Variants in AAK1 observed in about 807,000 individuals in gnomAD.
The protein encoded by AAK1 is AP2 associated kinase 1.
In AAK1, 37 loss-of-function variants were observed where a neutral mutation model predicts 116.0. The ratio of observed to expected loss-of-function variants is 0.32; its 90% CI spans 0.25 to 0.42. AAK1 has a LOEUF of 0.42. Among genes scored for constraint, AAK1 ranks in the 10% least tolerant of loss-of-function variants. The pLI is 1.00. For synonymous variants in AAK1, 458 were observed against 439.9 expected (o/e 1.04, Z -0.51); for missense variants, 919 against 1,170.6 (o/e 0.79, Z 3.14).
intron 17 of AAK1, 60 bp downstream of exon 17, chr2:69,495,925 T>C: frequency 7.2e-7 from 1 of 1,396,052 alleles, no homozygotes; most frequent in Non-Finnish European, 9.8e-7. Context: ...CAGAACTTTC[T>C]ACAAGGCCTG....
intron 2 of AAK1, chr2:69,599,056 A>G (rs1012370062): frequency 9.0e-6 from 2 of 221,662 alleles, no homozygotes; most frequent in South Asian, 1.2e-4. Context: ...GCTTACACTG[A>G]ACTGAAGCTC....
chr2:69,498,900 C>A (rs1451824382), intron 16 of AAK1, among the ~76,000 whole-genome samples: 1 of 152,214 alleles, frequency 6.6e-6, no homozygotes, highest in African/African-American at 2.4e-5. Flanking sequence ...AGCCCCAGCT[C>A]AACTAGATGG....
chr2:69,468,225 C>T lies in AAK1; in HGVS notation c.*7644G>A, dbSNP rs1311550352. On this transcript the variant is annotated 3_prime_UTR_variant, in exon 22 of 22. Coordinates refer to ENST00000409085, the MANE Select transcript of AAK1 (RefSeq NM_014911.5). ...AATAAACAGAATACCTTCTTCCTTG[C>T]GATTTATGTGGACAGACATAATCCT... is the stretch of plus-strand genomic sequence containing the variant. 1.0e-5 allele frequency: 10 copies of T among 985,182 alleles called. No individual in the cohort carries two copies. Among genetic ancestry groups the T allele is most frequent in the Non-Finnish European group, 1.2e-5 (10 of 829,920 alleles). 61.0% of individuals were successfully genotyped at this position (985,182 alleles called of 1,614,324 possible).
At chr2:69,578,015 AG>A (rs1200777182) in intron 2 of AAK1, among the ~76,000 whole-genome samples, 1 of 152,214 alleles carries the variant, frequency 6.6e-6, no homozygotes, top group Non-Finnish European at 1.5e-5. Context: ...GTTGGAGAAG[AG>A]GAAGAATTCA....
intron 2 of AAK1, among the ~76,000 whole-genome samples, chr2:69,628,143 C>T (rs1179017030): frequency 1.3e-5 from 2 of 152,212 alleles, no homozygotes; most frequent in African/African-American, 4.8e-5. Flanking sequence ...GGTTAACAAT[C>T]CACCTCAAAA....
rs1674419068 is a variant in AAK1 at position 69,464,311 on chromosome 2, TGA to T, written c.*11556_*11557del. The T allele has an allele frequency of 6.6e-6, 1 of 152,230 alleles. No individual in the cohort carries two copies. Among genetic ancestry groups the T allele is most frequent in the South Asian group, 2.1e-4 (1 of 4,838 alleles). The allele number at this position is 152,230 out of a possible 1,614,324, so 9.4% of individuals were successfully genotyped here. A position where few individuals can be genotyped will look rare whatever the true frequency, so the allele number is the denominator to read the frequency against. ...TAATGCTGGCATTTAGCCCACATAC[TGA>T]GAGGCCGGAACTGTAACAAGGTGCT... On this transcript the variant is annotated 3_prime_UTR_variant, in exon 22 of 22. Coordinates refer to ENST00000409085, the MANE Select transcript of AAK1 (RefSeq NM_014911.5).
At position 69,499,842 on chromosome 2, in the gene AAK1, T is replaced by C. The variant is rs542225835; in HGVS notation, c.2270-3762A>G. 1.1e-4 allele frequency: 17 copies of C among 152,336 alleles called. No homozygotes were observed. The South Asian group carries it at 3.5e-3, about 32-fold the overall frequency. 9.4% of individuals were successfully genotyped at this position (152,336 alleles called of 1,614,324 possible). A position where few individuals can be genotyped will look rare whatever the true frequency, so the allele number is the denominator to read the frequency against. On this transcript the variant is annotated intron_variant, in intron 16 of 21. Coordinates refer to ENST00000409085, the MANE Select transcript of AAK1 (RefSeq NM_014911.5). ...AATTCTAGATACAAATACTGTAAAA[T>C]GTCAGCAAATGCTCTTCTCTCAAGG...
chr2:69,525,969 C>CT (rs757364964), intron 9 of AAK1, among the ~76,000 whole-genome samples: 1 of 151,954 alleles, frequency 6.6e-6, no homozygotes, highest in Non-Finnish European at 1.5e-5. Context: ...TAAAACTGGC[C>CT]TTTTAGGAGG....
chr2:69,467,342 C>T lies in AAK1; in HGVS notation c.*8527G>A, dbSNP rs1674522288. The T allele has an allele frequency of 1.0e-6, 1 of 985,380 alleles. No homozygotes were observed. The highest frequency in any genetic ancestry group is 1.1e-4 in the East Asian group (1 of 8,814). The allele number at this position is 985,380 out of a possible 1,614,324, so 61.0% of individuals were successfully genotyped here. On this transcript the variant is annotated 3_prime_UTR_variant, in exon 22 of 22. Transcript: ENST00000409085. ...CTCCAATATACTAGTCTATTTCTATCTAGGTAGAGGTGCCTCAGGGTGCTC... is the reference window on the plus strand; with the variant it reads ...CTCCAATATACTAGTCTATTTCTATTTAGGTAGAGGTGCCTCAGGGTGCTC...
At position 69,527,247 on chromosome 2, in the gene AAK1, A is replaced by C. The variant is rs1258964745; in HGVS notation, c.944T>G (p.Leu315Arg). 1.9e-6 allele frequency: 3 copies of C among 1,608,520 alleles called. No individual in the cohort carries two copies. In the East Asian group the frequency reaches 6.7e-5, roughly 36 times the overall value. ...ATTTGGAATTGGGCACTCTTTCTTG[A>C]GTAGCTTAAATGAGAAGTAGGACAC... ...YQVSYFSFKLLKKECPIPNVQ... is the reference protein window; with the variant it reads ...YQVSYFSFKLRKKECPIPNVQ... The change falls in exon 9 of 22, where the codon CTC becomes CGC. Residue 315 changes from leucine to arginine, a missense_variant. Leu to Arg is a moderately radical substitution (Grantham distance 102). This residue lies in a region of AAK1 where 317 missense variants were observed against 490.4 expected (regional missense o/e 0.65). Coordinates refer to ENST00000409085, the MANE Select transcript of AAK1 (RefSeq NM_014911.5).
In AAK1 at chr2:69,465,139, G is replaced by A. The variant is rs1674446619; in HGVS notation, c.*10730C>T. ...GTGGGTGGGGCGGGGGGAAAGCAGA[G>A]TTCTTGGTGGAAGTGGATGACCTCT... is the stretch of plus-strand genomic sequence containing the variant. On this transcript the variant is annotated 3_prime_UTR_variant, in exon 22 of 22. Transcript: ENST00000409085. The A allele has an allele frequency of 4.3e-6, 1 of 230,878 alleles. No homozygotes were observed. Among genetic ancestry groups the A allele is most frequent in the Non-Finnish European group, 8.6e-6 (1 of 116,070 alleles). The allele number at this position is 230,878 out of a possible 1,614,324, so 14.3% of individuals were successfully genotyped here. A position where few individuals can be genotyped will look rare whatever the true frequency, so the allele number is the denominator to read the frequency against.
In AAK1 at chr2:69,476,910, T is replaced by C; in HGVS notation, c.2761A>G (p.Ile921Val). 2 of 1,613,690 alleles carry C rather than the reference T, an allele frequency of 1.2e-6. No homozygotes were observed. Among genetic ancestry groups the C allele is most frequent in the Non-Finnish European group, 1.7e-6 (2 of 1,179,776 alleles). Residue 921 changes from isoleucine (I) to valine (V), a missense_variant, in exon 21 of 22, where the codon ATT (isoleucine) becomes GTT (valine). By Grantham distance (29) the Ile-to-Val change is conservative (BLOSUM62 3). This residue lies in a region of AAK1 where 263 missense variants were observed against 285.5 expected (regional missense o/e 0.92). Transcript: ENST00000409085. ...GGGTTTTTGGTTATCAATACAGGAA[T>C]AGGGTCAAACTCATCTTCAGCCACC... ...DKVAEDEFDP[I>V]PVLITKNPQG...
At chr2:69,626,492 AATT>A (rs966329367) in intron 2 of AAK1, among the ~76,000 whole-genome samples, 3 of 146,540 alleles carry the variant, frequency 2.0e-5, no homozygotes, top group South Asian at 2.2e-4. Context: ...TAAATTAATT[AATT>A]ATTATTATTA....
intron 15 of AAK1, among the ~76,000 whole-genome samples, chr2:69,506,772 T>C (rs1462318960): frequency 6.6e-6 from 1 of 152,200 alleles, no homozygotes; most frequent in Non-Finnish European, 1.5e-5. Flanking sequence ...CGCCCTTATC[T>C]ACATTGAGAG....
intron 18 of AAK1, chr2:69,482,501 C>G: frequency 1.5e-6 from 1 of 663,786 alleles, no homozygotes; most frequent in South Asian, 1.8e-5. Flanking sequence ...CTCTAGAAAT[C>G]TCCAGATATC....
rs368873583 is a variant in AAK1 at position 69,465,669 on chromosome 2, G to C, written c.*10200C>G. 3.1e-5 allele frequency: 40 copies of C among 1,290,802 alleles called. No homozygotes were observed. The highest frequency in any genetic ancestry group is 1.1e-4 in the Admixed American group (5 of 43,540). 80.0% of individuals were successfully genotyped at this position (1,290,802 alleles called of 1,614,324 possible). ...GGGGCGGAATGGTTTGCCAGCCATG[G>C]GGCCTGAGACAGCTTCTTTCTGGAG... On this transcript the variant is annotated 3_prime_UTR_variant, in exon 22 of 22. Coordinates refer to ENST00000409085, the MANE Select transcript of AAK1 (RefSeq NM_014911.5).
chr2:69,628,757 T>C (rs6728461), intron 2 of AAK1, among the ~76,000 whole-genome samples: 2,349 of 152,302 alleles, frequency 0.015, 55 homozygotes, highest in African/African-American at 0.054. Context: ...AAATTAACTT[T>C]TTTCAAGGAA....
chr2:69,617,614 C>G (rs561057077), intron 2 of AAK1, among the ~76,000 whole-genome samples: 2 of 152,168 alleles, frequency 1.3e-5, no homozygotes, highest in Non-Finnish European at 2.9e-5. Flanking sequence ...ATAAATAAAT[C>G]GTTATTGTAA....
intron 2 of AAK1, among the ~76,000 whole-genome samples, chr2:69,641,718 C>T (rs1378125061): frequency 6.6e-6 from 1 of 152,160 alleles, no homozygotes; most frequent in Non-Finnish European, 1.5e-5. Context: ...ATTTCCCAGG[C>T]CCAGGTCAGG....
Sources: gnomAD v4.1 joint callset for allele counts (sites outside exome capture counted in the v4.1 genomes callset) on GRCh38, gnomAD v4.1.1 for gene constraint, gnomAD v4.1.1 regional missense constraint, MANE v1.5 for transcripts, NCBI Gene and HGNC (gene_info 2026-07-23, HGNC 2026-07-21) for gene names.